Variants in SDK2 observed in about 807,000 individuals in gnomAD.
SDK2 encodes protein sidekick-2.
In SDK2, 105 loss-of-function variants were observed where a neutral mutation model predicts 253.9. That is an observed-to-expected ratio of 0.41 (90% confidence interval 0.35 to 0.49). The LOEUF (loss-of-function observed/expected upper bound fraction) is 0.49. Among genes scored for constraint, SDK2 ranks in the 20% least tolerant of loss-of-function variants. SDK2 has a pLI of 0.06. For missense variants in SDK2, 2,608 were observed against 3,003.0 expected (o/e 0.87, Z 3.07); for synonymous variants, 1,249 against 1,234.9 (o/e 1.01, Z -0.24).
intron 1 of SDK2, among the ~76,000 whole-genome samples, chr17:73,566,317 A>ATGTGTGTGTGTG (rs763921480): frequency 0.067 from 9,536 of 143,148 alleles, 317 homozygotes; most frequent in Admixed American, 0.092. Context: ...TCTTATATAT[A>ATGTGTGTGTGTG]TATGTGTGTG....
At position 73,644,313 on chromosome 17, in the gene SDK2, G is replaced by C. The variant is rs1311818850; in HGVS notation, c.-225C>G. Among the ~76,000 whole-genome samples the C allele has an allele frequency of 1.3e-5, 2 of 152,170 alleles. No individual in the cohort carries two copies. Among genetic ancestry groups the C allele is most frequent in the African/African-American group, 2.4e-5 (1 of 41,452 alleles). On this transcript the variant is annotated 5_prime_UTR_variant, in exon 1 of 45. Coordinates refer to ENST00000392650, the MANE Select transcript of SDK2 (RefSeq NM_001144952.2). This position sits in a 1 kb window ranked among gnomAD's most constrained non-coding sequence, Gnocchi z 6.3. ...CCGGCAGCGCGCCCGGAAGGCGAGG[G>C]GCGAGCAGGGAGAAAGAGGCCAGGC...
At chr17:73,401,841 G>A (rs2063029624) in intron 19 of SDK2, 89 bp from the exon 20 acceptor site, 1 of 1,412,672 alleles carries the variant, frequency 7.1e-7, no homozygotes, top group African/African-American at 1.4e-5. Flanking sequence ...GTAATCTGGG[G>A]GTATCTCAGC....
intron 2 of SDK2, among the ~76,000 whole-genome samples, chr17:73,501,013 A>C (rs1403901002): frequency 6.6e-6 from 1 of 152,150 alleles, no homozygotes; most frequent in Non-Finnish European, 1.5e-5. Context: ...ATGTAAACTT[A>C]AGCTGAAAGG....
intron 15 of SDK2, among the ~76,000 whole-genome samples, chr17:73,419,716 C>CAA (rs1568394574): frequency 5.3e-5 from 6 of 113,496 alleles, no homozygotes; most frequent in African/African-American, 2.7e-4. Flanking sequence ...CCAAAAAAAA[C>CAA]AACAAAAAAA....
chr17:73,529,597 C>G (rs1369657209), intron 1 of SDK2, among the ~76,000 whole-genome samples: 5 of 152,140 alleles, frequency 3.3e-5, no homozygotes, highest in African/African-American at 1.2e-4. Context: ...CATACTGGAT[C>G]AGAATGAGCC....
chr17:73,489,684 C>T (rs942772562), intron 2 of SDK2, among the ~76,000 whole-genome samples: 2 of 152,172 alleles, frequency 1.3e-5, no homozygotes, highest in African/African-American at 4.8e-5. Context: ...GGAAAGAGGC[C>T]GCCCTGGTGT....
chr17:73,370,349 C>T (rs2062724297), intron 36 of SDK2, among the ~76,000 whole-genome samples: 1 of 152,100 alleles, frequency 6.6e-6, no homozygotes, highest in Admixed American at 6.5e-5. Context: ...CTCAAGCCAT[C>T]CTCCCACCTC....
intron 19 of SDK2, 68 bp downstream of exon 19, chr17:73,401,878 C>T (rs567259047): frequency 7.1e-7 from 1 of 1,408,892 alleles, no homozygotes; most frequent in Admixed American, 2.0e-5. Context: ...GGCCACCCTT[C>T]TGCCTGGGGC....
At chr17:73,600,213 G>C (rs1475355347) in intron 1 of SDK2, among the ~76,000 whole-genome samples, 2 of 152,168 alleles carry the variant, frequency 1.3e-5, no homozygotes, top group Non-Finnish European at 2.9e-5. Flanking sequence ...GTCCCATCCA[G>C]CAGCACTGGG....
intron 1 of SDK2, among the ~76,000 whole-genome samples, chr17:73,572,610 A>G (rs1325197559): frequency 1.3e-5 from 2 of 152,284 alleles, no homozygotes; most frequent in East Asian, 3.9e-4. Context: ...CTCTGTAGGG[A>G]GGAAGACCAT....
Position 73,379,417 on chromosome 17 carries a change from G to C in SDK2, c.4864+31C>G. On this transcript the variant is annotated intron_variant, in intron 35 of 44. Coordinates refer to ENST00000392650, the MANE Select transcript of SDK2 (RefSeq NM_001144952.2). This position sits in a 1 kb window ranked among gnomAD's most constrained non-coding sequence, Gnocchi z 4.5. ...AACTGGGTGGGGCTGGGAAAGGCAT[G>C]CTGGGGCCGGACAGGGCGGGCGCTG... 2 of 1,559,616 alleles carry C rather than the reference G, an allele frequency of 1.3e-6. No homozygotes were observed. Among genetic ancestry groups the C allele is most frequent in the Middle Eastern group, 1.7e-4 (1 of 5,758 alleles).
At chr17:73,577,108 T>TAGAC (rs1320115371) in intron 1 of SDK2, among the ~76,000 whole-genome samples, 24 of 152,120 alleles carry the variant, frequency 1.6e-4, no homozygotes, top group Admixed American at 1.6e-3. Flanking sequence ...TATGGAGGTG[T>TAGAC]AGACCCCAAA....
At chr17:73,367,163 G>A (rs941661528) in intron 37 of SDK2, among the ~76,000 whole-genome samples, 2 of 151,836 alleles carry the variant, frequency 1.3e-5, no homozygotes, top group African/African-American at 2.4e-5. Flanking sequence ...GCACCACCAT[G>A]CCCAGCTAAT....
chr17:73,380,910 C>T lies in SDK2; in HGVS notation c.4746G>A (p.Thr1582=), dbSNP rs141769892. The T allele has an allele frequency of 5.3e-6, 7 of 1,333,016 alleles. No individual in the cohort carries two copies. Among genetic ancestry groups the T allele is most frequent in the Non-Finnish European group, 6.9e-6 (7 of 1,008,070 alleles). The allele number at this position is 1,333,016 out of a possible 1,614,324, so 82.6% of individuals were successfully genotyped here. A position where few individuals can be genotyped will look rare whatever the true frequency, so the allele number is the denominator to read the frequency against. ...SMRNLSRPSL[T]QYELDNLNKH... is the part of the protein sequence containing the mutation. The stretch of plus-strand genomic sequence containing the variant: ...GAGACTTACTGTCCAGCTCGTACTG[C>T]GTGAGGCTGGGCCGGCTCAGGTTCC... The change falls in exon 34 of 45, where the codon ACG becomes ACA. Residue 1582 remains threonine, a synonymous_variant. Transcript: ENST00000392650.
chr17:73,400,978 CAGG>C (rs1268828525), intron 21 of SDK2, 39 bp downstream of exon 21: 1 of 1,529,060 alleles, frequency 6.5e-7, no homozygotes, highest in South Asian at 1.2e-5. Context: ...GGACGCTGCT[CAGG>C]AGAACTCAAA....
In SDK2 at chr17:73,455,510, C is replaced by T. The variant is rs781048370; in HGVS notation, c.479+396G>A. 3.3e-5 allele frequency among the ~76,000 whole-genome samples: 5 copies of T among 152,198 alleles called. No homozygotes were observed. Among genetic ancestry groups the T allele is most frequent in the African/African-American group, 1.2e-4 (5 of 41,440 alleles). On this transcript the variant is annotated intron_variant, in intron 4 of 44. Transcript: ENST00000392650. The surrounding 1 kb of genome is among the most constrained non-coding windows in gnomAD (Gnocchi z 5.0). ...CCCTGCCAACGGACGCGCCCAGGGCCTCCCGGCTGCCCAGGAGACGCCAGC... is the reference window on the plus strand; with the variant it reads ...CCCTGCCAACGGACGCGCCCAGGGCTTCCCGGCTGCCCAGGAGACGCCAGC...
chr17:73,529,170 G>T (rs12944112), intron 1 of SDK2, among the ~76,000 whole-genome samples: 4,511 of 152,284 alleles, frequency 0.03, 78 homozygotes, highest in Middle Eastern at 0.11. Context: ...AGAGGAGGTG[G>T]TTTCGTCTGT....
At chr17:73,596,019 G>A (rs937949683) in intron 1 of SDK2, among the ~76,000 whole-genome samples, 10 of 151,636 alleles carry the variant, frequency 6.6e-5, no homozygotes, top group African/African-American at 2.4e-4. Context: ...GTGAGGCCTC[G>A]GCACTCCCAG....
intron 1 of SDK2, among the ~76,000 whole-genome samples, chr17:73,625,211 G>A (rs1384285670): frequency 6.6e-6 from 1 of 152,198 alleles, no homozygotes; most frequent in Non-Finnish European, 1.5e-5. Flanking sequence ...CAGACAAGCA[G>A]GCACCAGGGC....
Sources: allele counts gnomAD v4.1 joint callset (sites outside exome capture counted in the v4.1 genomes callset), GRCh38; gene constraint gnomAD v4.1.1; non-coding constraint Gnocchi (gnomAD v3.1); transcripts MANE v1.5; gene names NCBI Gene and HGNC (gene_info 2026-07-23, HGNC 2026-07-21).